ABHD12: variants seen among roughly 807,000 people sequenced by gnomAD.
ABHD12 encodes lysophosphatidylserine lipase ABHD12.
Under a neutral mutation model 58.3 loss-of-function variants are expected in ABHD12, and 43 were observed. The observed-to-expected ratio is 0.74, with a 90% CI of 0.58 to 0.95. The LOEUF is 0.95. Among genes scored for constraint, ABHD12 ranks in the 40% least tolerant of loss-of-function variants. The pLI is 0.00. For missense variants in ABHD12, 539 were observed against 537.2 expected, an observed-to-expected ratio of 1.00 and a Z score of -0.03; for synonymous variants, 219 against 211.2, an observed-to-expected ratio of 1.04 and a Z score of -0.32.
intron 1 of ABHD12, among the ~76,000 whole-genome samples, chr20:25,374,652 C>A (rs1248341093): frequency 2.0e-5 from 3 of 152,190 alleles, no homozygotes; most frequent in African/African-American, 7.2e-5. Flanking sequence ...TGCCACCACA[C>A]CCGGCTAATT....
chr20:25,315,516 G>A (rs1410077677), intron 5 of ABHD12, among the ~76,000 whole-genome samples: 2 of 151,850 alleles, frequency 1.3e-5, no homozygotes, highest in African/African-American at 4.8e-5. Context: ...TGCCCTTGCT[G>A]GGGTGTGCCC....
chr20:25,372,987 G>C (rs1172461566), intron 1 of ABHD12, among the ~76,000 whole-genome samples: 2 of 152,086 alleles, frequency 1.3e-5, no homozygotes, highest in South Asian at 2.1e-4. Flanking sequence ...TCTATGTGTA[G>C]ATACACAAAT....
At chr20:25,301,349 G>A (rs771595930) in intron 12 of ABHD12, among the ~76,000 whole-genome samples, 10 of 152,334 alleles carry the variant, frequency 6.6e-5, no homozygotes, top group Non-Finnish European at 1.5e-4. Flanking sequence ...ACAGCACTGG[G>A]AGGCAATTCA....
At chr20:25,353,469 CAT>C (rs1179493208) in intron 1 of ABHD12, among the ~76,000 whole-genome samples, 4 of 152,180 alleles carry the variant, frequency 2.6e-5, no homozygotes, top group African/African-American at 9.7e-5. Flanking sequence ...GCTCTCAAAA[CAT>C]GTGTTTGGGA....
intron 6 of ABHD12, among the ~76,000 whole-genome samples, chr20:25,311,381 G>A (rs2088846494): frequency 1.3e-5 from 2 of 152,228 alleles, no homozygotes; most frequent in South Asian, 4.1e-4. Flanking sequence ...TGGCTGGAAA[G>A]GGCAGCCAGG....
At chr20:25,315,012 C>T (rs2088933763) in intron 5 of ABHD12, 42 bp from the exon 6 acceptor site, 2 of 1,610,148 alleles carry the variant, frequency 1.2e-6, no homozygotes, top group African/African-American at 2.7e-5. Context: ...CAAATCCAAG[C>T]ATCTGTATTG....
At chr20:25,353,438 C>G (rs1228460325) in intron 1 of ABHD12, among the ~76,000 whole-genome samples, 2 of 152,206 alleles carry the variant, frequency 1.3e-5, no homozygotes, top group African/African-American at 4.8e-5. Context: ...GCATTACCTT[C>G]TAACTCTTCC....
intron 12 of ABHD12, among the ~76,000 whole-genome samples, chr20:25,301,705 T>C (rs1291134285): frequency 6.6e-6 from 1 of 152,252 alleles, no homozygotes; most frequent in African/African-American, 2.4e-5. Context: ...TTGTCACTAC[T>C]GCCAAGGCCT....
At chr20:25,348,009 A>C (rs2089543379) in intron 1 of ABHD12, among the ~76,000 whole-genome samples, 1 of 152,024 alleles carries the variant, frequency 6.6e-6, no homozygotes, top group South Asian at 2.1e-4. Context: ...CAGGAGATCA[A>C]GATCATCCTG....
chr20:25,359,652 C>T (rs1210421088), intron 1 of ABHD12, among the ~76,000 whole-genome samples: 2 of 151,618 alleles, frequency 1.3e-5, no homozygotes, highest in East Asian at 2.0e-4. Flanking sequence ...TCACTGCAAC[C>T]TCCATCTCCC....
chr20:25,314,986 T>C lies in ABHD12; in HGVS notation c.574-16A>G, dbSNP rs531000957. The stretch of plus-strand genomic sequence containing the variant: ...AACTCAGCACCTGTAAAGTGAAAAA[T>C]AAACATCTTTGGCAACAAATCCAAG... On this transcript the variant is annotated splice_polypyrimidine_tract_variant and intron_variant, in intron 5 of 12. Coordinates refer to ENST00000339157, the MANE Select transcript of ABHD12 (RefSeq NM_001042472.3). 47 of 1,614,074 alleles carry C rather than the reference T, an allele frequency of 2.9e-5. 1 individual carries two copies. In the Admixed American group the frequency reaches 7.8e-4, roughly 27 times the overall value.
At chr20:25,295,665 T>G, downstream of ABHD12, 1 of 1,613,142 alleles carries the variant, frequency 6.2e-7, no homozygotes, top group Non-Finnish European at 8.5e-7. Flanking sequence ...GGACCAGCTG[T>G]ACCGGGTGAG....
intron 1 of ABHD12, among the ~76,000 whole-genome samples, chr20:25,374,242 G>A (rs1028309407): frequency 7.2e-5 from 11 of 152,056 alleles, no homozygotes; most frequent in Non-Finnish European, 1.5e-5. Flanking sequence ...GTACAGGTGT[G>A]TGCCACCACA....
intron 2 of ABHD12, chr20:25,338,895 G>C (rs909927870): frequency 8.7e-7 from 1 of 1,146,824 alleles, no homozygotes; most frequent in South Asian, 2.1e-5. Context: ...CTCAGCTGAA[G>C]ACAGATACGC....
chr20:25,379,837 G>T (rs929276005), intron 1 of ABHD12, among the ~76,000 whole-genome samples: 2 of 151,326 alleles, frequency 1.3e-5, no homozygotes, highest in African/African-American at 4.9e-5. Context: ...AAGCAATCAT[G>T]CACGCCATGC....
intron 1 of ABHD12, among the ~76,000 whole-genome samples, chr20:25,371,196 C>T (rs988654351): frequency 7.2e-5 from 11 of 152,164 alleles, no homozygotes; most frequent in African/African-American, 1.9e-4. Flanking sequence ...GGTTCCTACA[C>T]AAAAGGCCCC....
intron 2 of ABHD12, among the ~76,000 whole-genome samples, chr20:25,338,231 A>C (rs2089404803): frequency 2.0e-5 from 3 of 150,816 alleles, no homozygotes; most frequent in African/African-American, 7.3e-5. Context: ...TCCTCCTCCC[A>C]CTCCACCAGC....
At chr20:25,364,826 C>G (rs2089798007) in intron 1 of ABHD12, among the ~76,000 whole-genome samples, 1 of 152,230 alleles carries the variant, frequency 6.6e-6, no homozygotes, top group African/African-American at 2.4e-5. Context: ...CAAACACTCT[C>G]ACACCGCCAA....
At chr20:25,316,532 A>G (rs1268159645) in intron 5 of ABHD12, among the ~76,000 whole-genome samples, 2 of 152,380 alleles carry the variant, frequency 1.3e-5, no homozygotes, top group South Asian at 2.1e-4. Context: ...TAGTCTGCCA[A>G]TATCTGCACT....
Sources: gnomAD v4.1 joint callset for allele counts (sites outside exome capture counted in the v4.1 genomes callset) on GRCh38, gnomAD v4.1.1 for gene constraint, MANE v1.5 for transcripts, NCBI Gene and HGNC (gene_info 2026-07-23, HGNC 2026-07-21) for gene names.